ATAD2B: variants seen among roughly 807,000 people sequenced by gnomAD.
ATAD2B encodes ATPase family AAA domain containing 2B, also known as ATPase family AAA domain-containing protein 2B.
A neutral mutation model predicts 167.6 loss-of-function variants in ATAD2B; 40 were observed. That is an observed-to-expected ratio of 0.24 (90% CI 0.19 to 0.31). The LOEUF is 0.31. Ranked by LOEUF, ATAD2B falls within the 10% of genes least tolerant of loss-of-function variation. The probability of loss-of-function intolerance (pLI) is 1.00; values close to 1 mark genes in which losing one functional copy is unlikely to be tolerated. For synonymous variants in ATAD2B, 579 were observed against 596.5 expected (o/e 0.97, Z 0.43); for missense variants, 1,242 against 1,757.2 (o/e 0.71, Z 5.24).
At chr2:23,761,191 C>T (rs538533829) in intron 24 of ATAD2B, among the ~76,000 whole-genome samples, 3 of 152,186 alleles carry the variant, frequency 2.0e-5, no homozygotes, top group Admixed American at 6.5e-5. Flanking sequence ...ATCAGTTTCA[C>T]GGCATCATCG....
At chr2:23,920,290 A>G (rs1293620718) in intron 1 of ATAD2B, among the ~76,000 whole-genome samples, 1 of 152,244 alleles carries the variant, frequency 6.6e-6, no homozygotes, top group Non-Finnish European at 1.5e-5. Flanking sequence ...TTCGACGAGT[A>G]GAGGACCAGA....
intron 18 of ATAD2B, among the ~76,000 whole-genome samples, chr2:23,807,773 G>A (rs866881403): frequency 7.6e-5 from 11 of 144,426 alleles, no homozygotes; most frequent in South Asian, 2.2e-4. Context: ...CTGAGATTGC[G>A]CCACTGCACT....
chr2:23,840,419 C>T (rs1024455537), intron 13 of ATAD2B, among the ~76,000 whole-genome samples: 9 of 152,176 alleles, frequency 5.9e-5, no homozygotes, highest in East Asian at 1.9e-4. Flanking sequence ...TTTCAAAGAA[C>T]CAACTTTTGG....
intron 13 of ATAD2B, among the ~76,000 whole-genome samples, chr2:23,835,817 T>C (rs1445775499): frequency 6.6e-6 from 1 of 151,870 alleles, no homozygotes; most frequent in East Asian, 1.9e-4. Flanking sequence ...GCACCTGTAA[T>C]CCCAGCTACT....
chr2:23,869,524 A>C, intron 9 of ATAD2B, 139 bp downstream of exon 9: 1 of 628,670 alleles, frequency 1.6e-6, no homozygotes, highest in Admixed American at 2.8e-5. Context: ...TTGAAAGAAA[A>C]GCTAAGTAGA....
At position 23,757,978 on chromosome 2, in the gene ATAD2B, G is replaced by A. The variant is rs201642875; in HGVS notation, c.3518C>T (p.Thr1173Met). Residue 1173 changes from threonine to methionine, a missense_variant, in exon 25 of 28, where the codon ACG becomes ATG. Thr to Met is a moderately conservative substitution (Grantham distance 81). Around this residue, in one of 9 missense-constraint regions of ATAD2B, gnomAD observed 282 missense variants for 346.8 expected, o/e 0.81. Transcript: ENST00000238789. The part of the protein sequence containing the change: ...DTKFADYENH[T>M]EDRKLLENGE... ...ATTCTCTAATAATTTCCTGTCCTCC[G>A]TATGGTTCTCATAGTCTGCAAATTT... The A allele has an allele frequency of 7.5e-4, 1,208 of 1,613,250 alleles. 9 individuals are homozygous for A. In the Admixed American group the frequency reaches 0.015, roughly 20 times the overall value.
intron 22 of ATAD2B, among the ~76,000 whole-genome samples, chr2:23,773,523 C>T (rs557076089): frequency 2.6e-5 from 4 of 151,678 alleles, no homozygotes; most frequent in South Asian, 2.1e-4. Context: ...CCCCCTCTTG[C>T]GGGAGGGAAA....
chr2:23,902,835 G>A lies in ATAD2B; in HGVS notation c.217-6865C>T, dbSNP rs546769665. 9.9e-5 allele frequency among the ~76,000 whole-genome samples: 15 copies of A among 152,262 alleles called. No homozygotes were observed. The South Asian group carries it at 3.1e-3, about 32-fold the overall frequency. ...AATCCCAACATTTTGGGAGACCCAGGCGGTAGGATCCTTGTGGCCAGGAGT... is the reference window on the plus strand; with the variant it reads ...AATCCCAACATTTTGGGAGACCCAGACGGTAGGATCCTTGTGGCCAGGAGT... On this transcript the variant is annotated intron_variant, in intron 1 of 27. Coordinates refer to ENST00000238789, the MANE Select transcript of ATAD2B (RefSeq NM_017552.4).
At chr2:23,706,226 G>C in the ATAD2B span, among the ~76,000 whole-genome samples, 4 of 152,234 alleles carry the variant, frequency 2.6e-5, no homozygotes, top group African/African-American at 9.6e-5. Context: ...GCCATGGTTA[G>C]TCACTCTGGC....
At position 23,827,191 on chromosome 2, in the gene ATAD2B, G is replaced by A. The variant is rs147751375; in HGVS notation, c.1819+1658C>T. Among the ~76,000 whole-genome samples the A allele has an allele frequency of 5.3e-3, 805 of 151,940 alleles. 4 individuals carry two copies. Among genetic ancestry groups the A allele is most frequent in the Admixed American group, 7.5e-3 (114 of 15,260 alleles). ...TTATGTCACTGTCCAGGAAGAAAATGGTATATAAGCAGAGTCTGCACACAT... is the reference window on the plus strand; with the variant it reads ...TTATGTCACTGTCCAGGAAGAAAATAGTATATAAGCAGAGTCTGCACACAT... On this transcript the variant is annotated intron_variant, in intron 15 of 27. Transcript: ENST00000238789.
the ATAD2B span, chr2:23,688,717 G>A: frequency 6.6e-6 from 1 of 152,160 alleles, no homozygotes; most frequent in Non-Finnish European, 1.5e-5. Flanking sequence ...CCCTGCGTCA[G>A]CTTCATAGAG....
chr2:23,881,222 T>G (rs555534967), intron 6 of ATAD2B, among the ~76,000 whole-genome samples: 25 of 152,194 alleles, frequency 1.6e-4, no homozygotes, highest in Non-Finnish European at 2.6e-4. Context: ...GTGTAATGAT[T>G]TGTTAGGCCT....
intron 23 of ATAD2B, among the ~76,000 whole-genome samples, chr2:23,763,751 A>G (rs1469631131): frequency 1.3e-5 from 2 of 152,064 alleles, no homozygotes; most frequent in South Asian, 2.1e-4. Context: ...CACCACGCCT[A>G]GCTAATATTT....
rs191317757 is a variant in ATAD2B at position 23,799,672 on chromosome 2, A to G, written c.2455-1349T>C. Among the ~76,000 whole-genome samples, 36 of 152,078 alleles carry G rather than the reference A, an allele frequency of 2.4e-4. No homozygotes were observed. The Middle Eastern group carries it at 0.017, about 72-fold the overall frequency. On this transcript the variant is annotated intron_variant, in intron 18 of 27. Transcript: ENST00000238789. ...CAAGTATTATTTTTCTTTAATGAGT[A>G]AGCTTACCACTTGCATACATTTTTT...
chr2:23,892,691 A>C (rs1699708470), intron 2 of ATAD2B, among the ~76,000 whole-genome samples: 1 of 150,308 alleles, frequency 6.7e-6, no homozygotes, highest in Admixed American at 6.6e-5. Flanking sequence ...ACTGGTCTCC[A>C]ACTCCTGGCC....
intron 6 of ATAD2B, among the ~76,000 whole-genome samples, chr2:23,881,886 G>C (rs1573226987): frequency 6.6e-6 from 1 of 151,898 alleles, no homozygotes; most frequent in East Asian, 2.0e-4. Flanking sequence ...ACCATGCTTG[G>C]CTAATTTTGT....
intron 13 of ATAD2B, among the ~76,000 whole-genome samples, chr2:23,835,640 A>T (rs1172829587): frequency 6.6e-6 from 1 of 152,210 alleles, no homozygotes; most frequent in Non-Finnish European, 1.5e-5. Flanking sequence ...TATGCAGTTT[A>T]AATAAGTGAA....
chr2:23,819,659 T>C (rs1687153220), intron 17 of ATAD2B, 88 bp downstream of exon 17: 11 of 1,079,554 alleles, frequency 1.0e-5, no homozygotes, highest in South Asian at 5.8e-5. Flanking sequence ...CTCACAGTTA[T>C]AACCATAAGT....
chr2:23,752,632 G>A (rs1251970627), intron 27 of ATAD2B, among the ~76,000 whole-genome samples: 1 of 152,016 alleles, frequency 6.6e-6, no homozygotes, highest in Non-Finnish European at 1.5e-5. Flanking sequence ...GCTAACAGGT[G>A]GCAGTCAGGA....
Sources: gnomAD v4.1 joint callset for allele counts (sites outside exome capture counted in the v4.1 genomes callset) on GRCh38, gnomAD v4.1.1 for gene constraint, gnomAD v4.1.1 regional missense constraint, MANE v1.5 for transcripts, NCBI Gene and HGNC (gene_info 2026-07-23, HGNC 2026-07-21) for gene names.